KIAA1217: variants seen among roughly 807,000 people sequenced by gnomAD.
The protein encoded by KIAA1217 is sickle tail protein homolog.
A neutral mutation model predicts 163.9 loss-of-function variants in KIAA1217; 88 were observed. The ratio of observed to expected loss-of-function variants is 0.54; its 90% CI spans 0.45 to 0.64. The LOEUF (loss-of-function observed/expected upper bound fraction) is 0.64. Ranked by LOEUF, KIAA1217 falls within the 30% of genes least tolerant of loss-of-function variation. The pLI, the probability that KIAA1217 is intolerant of heterozygous loss-of-function variation, is 0.00. For synonymous variants in KIAA1217, 903 were observed against 923.1 expected, an observed-to-expected ratio of 0.98 and a Z score of 0.39; for missense variants, 2,372 against 2,475.0, an observed-to-expected ratio of 0.96 and a Z score of 0.88.
intron 16 of KIAA1217, among the ~76,000 whole-genome samples, chr10:24,535,761 G>C (rs2073914668): frequency 6.6e-6 from 1 of 151,466 alleles, no homozygotes; most frequent in Non-Finnish European, 1.5e-5. Flanking sequence ...TGGGCGACAG[G>C]GAGAGACTCT....
chr10:24,404,881 A>C (rs2057031170), intron 3 of KIAA1217, among the ~76,000 whole-genome samples: 1 of 152,204 alleles, frequency 6.6e-6, no homozygotes, highest in Non-Finnish European at 1.5e-5. Context: ...CCAGTCTCTA[A>C]AGTTTACATA....
intron 1 of KIAA1217, among the ~76,000 whole-genome samples, chr10:23,987,418 TA>T (rs200311407): frequency 0.19 from 26,487 of 142,712 alleles, 3,030 homozygotes; most frequent in Middle Eastern, 0.27. Context: ...TTTGTTTTTT[TA>T]AAAAAAAACC....
At chr10:24,204,332 C>T (rs768357931), upstream of KIAA1217, among the ~76,000 whole-genome samples, 20 of 152,004 alleles carry the variant, frequency 1.3e-4, no homozygotes, top group Non-Finnish European at 1.9e-4. Context: ...TTGCTCTTAA[C>T]GCAGAAGGGA....
intron 1 of KIAA1217, among the ~76,000 whole-genome samples, chr10:23,757,300 G>A (rs1317896280): frequency 6.6e-6 from 1 of 152,078 alleles, no homozygotes; most frequent in Non-Finnish European, 1.5e-5. Flanking sequence ...CCACCATAGT[G>A]TTTTCCACAG....
At chr10:24,207,705 T>C (rs1250557628), upstream of KIAA1217, among the ~76,000 whole-genome samples, 2 of 152,358 alleles carry the variant, frequency 1.3e-5, no homozygotes, top group East Asian at 1.9e-4. Context: ...CCGTTAAGAA[T>C]TGAGGGGCTC....
chr10:24,014,659 T>C (rs1227601707), intron 2 of KIAA1217, among the ~76,000 whole-genome samples: 1 of 152,182 alleles, frequency 6.6e-6, no homozygotes, highest in Non-Finnish European at 1.5e-5. Context: ...GAGCTTCAGC[T>C]AGAAATCTCA....
At chr10:24,478,013 G>C (rs2064230405) in intron 6 of KIAA1217, among the ~76,000 whole-genome samples, 1 of 152,188 alleles carries the variant, frequency 6.6e-6, no homozygotes, top group African/African-American at 2.4e-5. Context: ...ATAAATATGA[G>C]AGTGTTTTTC....
chr10:24,272,989 G>A (rs558411953), intron 2 of KIAA1217, among the ~76,000 whole-genome samples: 17 of 152,320 alleles, frequency 1.1e-4, no homozygotes, highest in South Asian at 4.1e-4. Flanking sequence ...CTCTCATTGC[G>A]TAAAAGTCTG....
intron 1 of KIAA1217, among the ~76,000 whole-genome samples, chr10:23,853,130 G>A (rs1281814651): frequency 6.6e-6 from 1 of 152,118 alleles, no homozygotes; most frequent in Non-Finnish European, 1.5e-5. Flanking sequence ...TGCTCATTCA[G>A]TATGATATTG....
intron 2 of KIAA1217, among the ~76,000 whole-genome samples, chr10:24,304,205 CTTTT>C (rs35675149): frequency 8.8e-5 from 11 of 125,504 alleles, no homozygotes; most frequent in Admixed American, 1.6e-4. Flanking sequence ...ATTAGGTTAC[CTTTT>C]TTTTTTTTTT....
chr10:23,909,855 T>C (rs2131266513), intron 1 of KIAA1217, among the ~76,000 whole-genome samples: 1 of 152,274 alleles, frequency 6.6e-6, no homozygotes, highest in Non-Finnish European at 1.5e-5. Flanking sequence ...TCCAGATCCT[T>C]GAGGAATCCC....
chr10:24,119,394 C>G (rs1420489177), intron 2 of KIAA1217, among the ~76,000 whole-genome samples: 2 of 152,076 alleles, frequency 1.3e-5, no homozygotes, highest in African/African-American at 4.8e-5. Context: ...AAAACAATAA[C>G]TCTTGTGAAC....
chr10:23,910,778 C>G (rs1433756351), intron 1 of KIAA1217, among the ~76,000 whole-genome samples: 1 of 152,124 alleles, frequency 6.6e-6, no homozygotes, highest in Non-Finnish European at 1.5e-5. Context: ...ATGTCTGGCC[C>G]CGTAACACAT....
intron 1 of KIAA1217, among the ~76,000 whole-genome samples, chr10:23,900,602 T>A (rs1193032432): frequency 6.6e-6 from 1 of 152,146 alleles, no homozygotes; most frequent in Non-Finnish European, 1.5e-5. Context: ...TATGCACTCA[T>A]ATTATAGGAC....
At chr10:24,030,011 A>G (rs1848126804) in intron 2 of KIAA1217, among the ~76,000 whole-genome samples, 1 of 152,190 alleles carries the variant, frequency 6.6e-6, no homozygotes, top group African/African-American at 2.4e-5. Context: ...CACAGCTTGC[A>G]TCTAGGCATT....
chr10:24,498,064 A>G (rs1410558285), intron 8 of KIAA1217, among the ~76,000 whole-genome samples: 2 of 152,092 alleles, frequency 1.3e-5, no homozygotes, highest in East Asian at 3.9e-4. Flanking sequence ...TGACTTGTTT[A>G]TGGAAAAGTT....
intron 1 of KIAA1217, among the ~76,000 whole-genome samples, chr10:23,932,100 G>A (rs80292252): frequency 0.037 from 5,580 of 152,204 alleles, 142 homozygotes; most frequent in African/African-American, 0.078. Flanking sequence ...ATCTCTGCTG[G>A]TGCCTCCTCT....
chr10:24,070,669 C>T (rs1036212358), intron 2 of KIAA1217, among the ~76,000 whole-genome samples: 1 of 152,136 alleles, frequency 6.6e-6, no homozygotes, highest in African/African-American at 2.4e-5. Context: ...TAGTTGTAAC[C>T]TATTTTCCCA....
intron 1 of KIAA1217, among the ~76,000 whole-genome samples, chr10:23,874,240 T>C (rs1840585810): frequency 1.3e-5 from 2 of 152,144 alleles, no homozygotes; most frequent in South Asian, 4.1e-4. Context: ...CCTCCTTGAA[T>C]GGTGGTATGG....
Sources: gnomAD v4.1 joint callset for allele counts (sites outside exome capture counted in the v4.1 genomes callset) on GRCh38, gnomAD v4.1.1 for gene constraint, MANE v1.5 for transcripts, NCBI Gene and HGNC (gene_info 2026-07-23, HGNC 2026-07-21) for gene names.